Variants in GATAD2B observed in about 807,000 individuals in gnomAD.
The protein encoded by GATAD2B is transcriptional repressor p66-beta.
A neutral mutation model predicts 64.3 loss-of-function variants in GATAD2B; 8 were observed. The observed-to-expected ratio is 0.12, with a 90% CI of 0.07 to 0.22. The LOEUF (loss-of-function observed/expected upper bound fraction) is 0.22. GATAD2B is among the 10% of genes least tolerant of loss of function. GATAD2B has a pLI of 1.00. For synonymous variants in GATAD2B, 281 were observed against 271.3 expected, an observed-to-expected ratio of 1.04 and a Z score of -0.35; for missense variants, 453 against 752.0, an observed-to-expected ratio of 0.60 and a Z score of 4.65.
chr1:153,825,191 G>A (rs1428249817), intron 2 of GATAD2B, among the ~76,000 whole-genome samples: 1 of 152,206 alleles, frequency 6.6e-6, no homozygotes, highest in Non-Finnish European at 1.5e-5. Context: ...CCCCAATGAA[G>A]TGGGATAAGT....
chr1:153,849,689 G>T (rs1486168405), intron 1 of GATAD2B, among the ~76,000 whole-genome samples: 2 of 152,134 alleles, frequency 1.3e-5, no homozygotes, highest in Non-Finnish European at 2.9e-5. Context: ...GCAGTACAGT[G>T]GCGTGATCTT....
chr1:153,823,016 C>A (rs775415834), intron 2 of GATAD2B, among the ~76,000 whole-genome samples: 1 of 152,032 alleles, frequency 6.6e-6, no homozygotes, highest in African/African-American at 2.4e-5. Context: ...AACTTCTAGG[C>A]TCAAGTGATT....
At chr1:153,822,493 C>T (rs1047954560) in intron 2 of GATAD2B, among the ~76,000 whole-genome samples, 19 of 152,274 alleles carry the variant, frequency 1.2e-4, no homozygotes, top group African/African-American at 4.6e-4. Context: ...GTAGATAGCA[C>T]AGATAAGGCA....
chr1:153,908,781 G>GAAAAAAAA lies in GATAD2B; in HGVS notation c.-2+13951_-2+13952insTTTTTTTT, dbSNP rs1557832980. ...CCGCACCTGGCCTAGAAACATACTT[G>GAAAAAAAA]GAAAAAAAAAAAAAAAAAAAAGAAA... On this transcript the variant is annotated intron_variant, in intron 1 of 10. Coordinates refer to ENST00000368655, the MANE Select transcript of GATAD2B (RefSeq NM_020699.4). Among the ~76,000 whole-genome samples the GAAAAAAAA allele has an allele frequency of 1.4e-4, 4 of 29,146 alleles. 1 individual carries two copies. The highest frequency in any genetic ancestry group is 5.3e-4 in the Non-Finnish European group (4 of 7,490). The allele number at this position is 29,146 out of a possible 152,430, so 19.1% of individuals were successfully genotyped here.
chr1:153,915,557 T>C (rs531824543), intron 1 of GATAD2B, among the ~76,000 whole-genome samples: 2 of 151,926 alleles, frequency 1.3e-5, no homozygotes, highest in African/African-American at 2.4e-5. Context: ...AGAAGCTACC[T>C]GTAATTAAAA....
chr1:153,860,116 T>C (rs747936929), intron 1 of GATAD2B, among the ~76,000 whole-genome samples: 9 of 152,024 alleles, frequency 5.9e-5, no homozygotes, highest in Middle Eastern at 3.4e-3. Context: ...GGTTCCACCA[T>C]GTTGGCCAGG....
chr1:153,883,680 G>T (rs1257896620), intron 1 of GATAD2B, among the ~76,000 whole-genome samples: 1 of 151,278 alleles, frequency 6.6e-6, no homozygotes, highest in Non-Finnish European at 1.5e-5. Context: ...TGAGTCTGCT[G>T]AATACATCTG....
chr1:153,822,947 G>A (rs1039739815), intron 2 of GATAD2B, among the ~76,000 whole-genome samples: 3 of 152,080 alleles, frequency 2.0e-5, no homozygotes, highest in African/African-American at 7.2e-5. Context: ...CTCCTGAGTA[G>A]CTAGTTTTTA....
At chr1:153,888,479 C>T (rs966822046) in intron 1 of GATAD2B, among the ~76,000 whole-genome samples, 2 of 152,142 alleles carry the variant, frequency 1.3e-5, no homozygotes, top group African/African-American at 4.8e-5. Context: ...TACTTCATTT[C>T]TTAATACTTG....
At chr1:153,819,864 C>T (rs948339288) in intron 2 of GATAD2B, 129 bp from the exon 3 acceptor site, 10 of 643,856 alleles carry the variant, frequency 1.6e-5, no homozygotes, top group East Asian at 6.3e-5. Context: ...TTTGGGAGAC[C>T]GAGGCGGGTG....
chr1:153,846,173 A>G (rs921672618), intron 1 of GATAD2B, among the ~76,000 whole-genome samples: 1 of 151,972 alleles, frequency 6.6e-6, no homozygotes, highest in African/African-American at 2.4e-5. Flanking sequence ...ATGATCACTA[A>G]CATATTTAGT....
intron 1 of GATAD2B, among the ~76,000 whole-genome samples, chr1:153,837,386 A>AG (rs1238953833): frequency 6.6e-6 from 1 of 151,634 alleles, no homozygotes; most frequent in Non-Finnish European, 1.5e-5. Context: ...ACAAAAAAAA[A>AG]AACACAGTAG....
At chr1:153,911,400 C>G (rs1450599664) in intron 1 of GATAD2B, among the ~76,000 whole-genome samples, 2 of 152,170 alleles carry the variant, frequency 1.3e-5, no homozygotes, top group Admixed American at 1.3e-4. Flanking sequence ...TAAAGATTTA[C>G]TAAGCAGTGC....
At chr1:153,879,090 C>A (rs999683592) in intron 1 of GATAD2B, among the ~76,000 whole-genome samples, 1 of 152,174 alleles carries the variant, frequency 6.6e-6, no homozygotes, top group Non-Finnish European at 1.5e-5. Flanking sequence ...CAGGCGCAAG[C>A]CACCACGCCC....
At chr1:153,832,212 T>G (rs1675103848) in intron 1 of GATAD2B, among the ~76,000 whole-genome samples, 1 of 121,092 alleles carries the variant, frequency 8.3e-6, no homozygotes, top group South Asian at 2.4e-4. Context: ...CAAGACTCCA[T>G]CTCAAAAAAA....
chr1:153,904,117 T>G lies in GATAD2B; in HGVS notation c.-2+18616A>C, dbSNP rs577256410. 3.7e-3 allele frequency among the ~76,000 whole-genome samples: 561 copies of G among 152,028 alleles called. 3 individuals carry two copies. Among genetic ancestry groups the G allele is most frequent in the Admixed American group, 6.4e-3 (98 of 15,228 alleles). On this transcript the variant is annotated intron_variant, in intron 1 of 10. Coordinates refer to ENST00000368655, the MANE Select transcript of GATAD2B (RefSeq NM_020699.4). The stretch of plus-strand genomic sequence containing the variant: ...AACATGAAGAAACCTCAGTCTCTAC[T>G]AAAAATACAAATATTAGCCGGGCGT...
intron 1 of GATAD2B, among the ~76,000 whole-genome samples, chr1:153,838,547 T>C (rs1675355992): frequency 6.6e-6 from 1 of 151,898 alleles, no homozygotes; most frequent in South Asian, 2.1e-4. Flanking sequence ...TGTCATCCAG[T>C]CTGGAGTACA....
chr1:153,898,868 C>T (rs1321175831), intron 1 of GATAD2B: 1 of 152,200 alleles, frequency 6.6e-6, no homozygotes, highest in African/African-American at 2.4e-5. Flanking sequence ...GCCTTAACAT[C>T]TCCATTCCCT....
chr1:153,817,403 G>T lies in GATAD2B; in HGVS notation c.869C>A (p.Pro290His). 1 of 1,589,308 alleles carries T rather than the reference G, an allele frequency of 6.3e-7. No individual in the cohort carries two copies. The highest frequency in any genetic ancestry group is 8.5e-7 in the Non-Finnish European group (1 of 1,170,334). ...ATAATTGATGGCGGGATTCATGTTG[G>T]GTGTTGTGGTGCGTACAAGGCCAGG... Reference protein sequence around the residue: ...PKPGLVRTTTPNMNPAINYQP... With the variant: ...PKPGLVRTTTHNMNPAINYQP... Residue 290 changes from proline (P) to histidine (H), a missense_variant, in exon 6 of 11, where the codon CCC becomes CAC. Pro to His is a moderately conservative substitution (Grantham distance 77). Coordinates refer to ENST00000368655, the MANE Select transcript of GATAD2B (RefSeq NM_020699.4).
Sources: gnomAD v4.1 joint callset for allele counts (sites outside exome capture counted in the v4.1 genomes callset) on GRCh38, gnomAD v4.1.1 for gene constraint, MANE v1.5 for transcripts, NCBI Gene and HGNC (gene_info 2026-07-23, HGNC 2026-07-21) for gene names.